Variants in LAMC1 observed in about 807,000 individuals in gnomAD.
LAMC1 encodes the protein laminin subunit gamma 1.
In LAMC1, 38 loss-of-function variants were observed where a neutral mutation model predicts 173.6. The ratio of observed to expected loss-of-function variants is 0.22; its 90% CI spans 0.17 to 0.29. The LOEUF (loss-of-function observed/expected upper bound fraction) is 0.29. LAMC1 is among the 10% of genes least tolerant of loss of function. The pLI is 1.00. For synonymous variants in LAMC1, 746 were observed against 749.1 expected, an observed-to-expected ratio of 1.00 and a Z score of 0.07; for missense variants, 1,824 against 2,051.8, an observed-to-expected ratio of 0.89 and a Z score of 2.14.
rs948226254 is a variant in LAMC1 at position 183,086,409 on chromosome 1, A to G, written c.419-16919A>G. ...ATTCAGACATTTACCTTTTCAAGTG[A>G]TAGAAGCAAGAGCAGAGAATTCATC... On this transcript the variant is annotated intron_variant, in intron 1 of 27. Transcript: ENST00000258341. 2.0e-5 allele frequency among the ~76,000 whole-genome samples: 3 copies of G among 152,200 alleles called. No individual in the cohort carries two copies. The East Asian group carries it at 5.8e-4, about 29-fold the overall frequency.
chr1:183,036,472 G>C (rs1230357990), intron 1 of LAMC1, among the ~76,000 whole-genome samples: 1 of 142,558 alleles, frequency 7.0e-6, no homozygotes, highest in African/African-American at 2.6e-5. Context: ...GCGTGATCTC[G>C]GCACACTGCT....
At chr1:183,027,177 A>G (rs527659678) in intron 1 of LAMC1, among the ~76,000 whole-genome samples, 2 of 152,324 alleles carry the variant, frequency 1.3e-5, no homozygotes, top group South Asian at 4.1e-4. Flanking sequence ...CACCATACAC[A>G]GTCATCCAGG....
At chr1:183,107,853 G>C (rs935158473) in intron 2 of LAMC1, among the ~76,000 whole-genome samples, 1 of 152,012 alleles carries the variant, frequency 6.6e-6, no homozygotes, top group African/African-American at 2.4e-5. Context: ...AAAAAGGACA[G>C]GGGCAGGCAA....
At chr1:183,123,484 C>T (rs1197693694) in intron 13 of LAMC1, among the ~76,000 whole-genome samples, 1 of 152,206 alleles carries the variant, frequency 6.6e-6, no homozygotes, top group East Asian at 1.9e-4. Flanking sequence ...CATGCTTCTA[C>T]ATGGGTTTGA....
chr1:183,127,360 G>T lies in LAMC1; in HGVS notation c.3079G>T (p.Gly1027Cys). The part of the protein sequence containing the change: ...ENYFYNRSWP[G>C]CQECPACYRL... ...CTATTTCTACAATCGGTCTTGGCCT[G>T]GCTGCCAGGAATGTCCAGCTTGTTA... The change falls in exon 17 of 28, where the codon GGC becomes TGC. Residue 1027 changes from glycine to cysteine, a missense_variant. Coordinates refer to ENST00000258341, the MANE Select transcript of LAMC1 (RefSeq NM_002293.4). 6.2e-7 allele frequency: 1 copy of T among 1,614,128 alleles called. No homozygotes were observed.
intron 4 of LAMC1, among the ~76,000 whole-genome samples, chr1:183,113,792 A>C (rs1202106506): frequency 6.6e-6 from 1 of 152,212 alleles, no homozygotes; most frequent in Admixed American, 6.5e-5. Context: ...GACTCATCTG[A>C]GGCCTAAAAA....
intron 1 of LAMC1, among the ~76,000 whole-genome samples, chr1:183,055,749 T>C (rs911307265): frequency 1.2e-4 from 18 of 151,830 alleles, no homozygotes; most frequent in African/African-American, 3.9e-4. Context: ...GAGGCAGAGA[T>C]TGCAGTGAAC....
At chr1:183,128,239 T>A (rs1419665772) in intron 17 of LAMC1, among the ~76,000 whole-genome samples, 1 of 151,826 alleles carries the variant, frequency 6.6e-6, no homozygotes, top group Non-Finnish European at 1.5e-5. Context: ...AAGGGAGAGG[T>A]CAGAGCTTAA....
Position 183,036,175 on chromosome 1 carries a change from T to A in LAMC1, c.418+12041T>A, listed in dbSNP as rs534615919. ...GTACAATGGCGCAATCTTGGCTCACTGCAACTTCCGCCTCCCGGCTTCAAG... is the reference window on the plus strand; with the variant it reads ...GTACAATGGCGCAATCTTGGCTCACAGCAACTTCCGCCTCCCGGCTTCAAG... On this transcript the variant is annotated intron_variant, in intron 1 of 27. Coordinates refer to ENST00000258341, the MANE Select transcript of LAMC1 (RefSeq NM_002293.4). 5.9e-3 allele frequency among the ~76,000 whole-genome samples: 891 copies of A among 151,374 alleles called. 4 individuals are homozygous for A. The highest frequency in any genetic ancestry group is 0.01 in the Non-Finnish European group (703 of 67,894).
intron 1 of LAMC1, among the ~76,000 whole-genome samples, chr1:183,059,587 T>C (rs1654689058): frequency 2.0e-5 from 3 of 152,296 alleles, no homozygotes; most frequent in African/African-American, 7.2e-5. Flanking sequence ...AGTGGCCACC[T>C]AATTTCAGTG....
chr1:183,035,002 C>G (rs1653943864), intron 1 of LAMC1, among the ~76,000 whole-genome samples: 1 of 152,106 alleles, frequency 6.6e-6, no homozygotes, highest in Non-Finnish European at 1.5e-5. Context: ...GCCACTCTGC[C>G]ATTTTAGGTC....
intron 1 of LAMC1, among the ~76,000 whole-genome samples, chr1:183,030,643 A>G (rs1185939616): frequency 2.6e-5 from 4 of 152,222 alleles, no homozygotes; most frequent in Admixed American, 2.0e-4. Flanking sequence ...TTTTTAAAAA[A>G]GTACTAAGGT....
rs767898635 is a variant in LAMC1 at position 183,117,608 on chromosome 1, A to C, written c.1762A>C (p.Thr588Pro). Residue 588 changes from threonine (T) to proline (P), a missense_variant, in exon 10 of 28, where the codon ACT (threonine) becomes CCT (proline). Thr to Pro is a conservative substitution (Grantham distance 38). Transcript: ENST00000258341. The stretch of plus-strand genomic sequence containing the variant: ...CTCCTTTCGAGTGGACAGGCGAGAT[A>C]CTCGCCTCTCTGCAGAAGACCTTGT... Reference protein sequence around the residue: ...SFSFRVDRRDTRLSAEDLVLE... With the variant: ...SFSFRVDRRDPRLSAEDLVLE... 1.9e-6 allele frequency: 3 copies of C among 1,613,878 alleles called. No individual in the cohort carries two copies. Among genetic ancestry groups the C allele is most frequent in the Admixed American group, 1.7e-5 (1 of 60,022 alleles).
chr1:183,053,689 G>A (rs559340171), intron 1 of LAMC1, among the ~76,000 whole-genome samples: 5 of 151,920 alleles, frequency 3.3e-5, no homozygotes, highest in East Asian at 1.9e-4. Flanking sequence ...GCAGTGGCAC[G>A]AACTTGGCTC....
At position 183,023,619 on chromosome 1, in the gene LAMC1, A is replaced by G; in HGVS notation, c.-98A>G. The G allele has an allele frequency of 3.1e-6, 3 of 953,394 alleles. No homozygotes were observed. Among genetic ancestry groups the G allele is most frequent in the Non-Finnish European group, 3.9e-6 (3 of 767,102 alleles). The allele number at this position is 953,394 out of a possible 1,614,324, so 59.1% of individuals were successfully genotyped here. A position where few individuals can be genotyped will look rare whatever the true frequency, so the allele number is the denominator to read the frequency against. On this transcript the variant is annotated 5_prime_UTR_variant, in exon 1 of 28. Coordinates refer to ENST00000258341, the MANE Select transcript of LAMC1 (RefSeq NM_002293.4). ...GCCGGAGTCAGGCCCCTGGGCCCCCAGGCTCAAGCAGCGAAGCGGCCTCCG... is the reference window on the plus strand; with the variant it reads ...GCCGGAGTCAGGCCCCTGGGCCCCCGGGCTCAAGCAGCGAAGCGGCCTCCG...
chr1:183,140,725 G>C (rs1240864731), intron 27 of LAMC1: 2 of 322,678 alleles, frequency 6.2e-6, no homozygotes, highest in Non-Finnish European at 1.1e-5. Context: ...AGAGCAACTT[G>C]CTTCTTTACC....
At chr1:183,122,034 C>T (rs750472660) in intron 12 of LAMC1, 29 bp from the exon 13 acceptor site, 5 of 1,609,796 alleles carry the variant, frequency 3.1e-6, no homozygotes, top group Non-Finnish European at 4.2e-6. Flanking sequence ...GTACATTTGC[C>T]TGTTTTCTCA....
intron 15 of LAMC1, 46 bp from the exon 16 acceptor site, chr1:183,126,073 TA>T: frequency 1.3e-6 from 2 of 1,578,918 alleles, no homozygotes; most frequent in South Asian, 2.4e-5. Context: ...AAGTTGTGCT[TA>T]AAGTCTGTTT....
chr1:183,032,324 A>T (rs974650343), intron 1 of LAMC1, among the ~76,000 whole-genome samples: 1 of 152,050 alleles, frequency 6.6e-6, no homozygotes, highest in African/African-American at 2.4e-5. Flanking sequence ...GATTTACCTT[A>T]TTTCTTTTGA....
Sources: gnomAD v4.1 joint callset for allele counts (sites outside exome capture counted in the v4.1 genomes callset) on GRCh38, gnomAD v4.1.1 for gene constraint, MANE v1.5 for transcripts, NCBI Gene and HGNC (gene_info 2026-07-23, HGNC 2026-07-21) for gene names.